The following ZNF69 variants were observed in gnomAD, a reference collection of about 807,000 sequenced individuals.
ZNF69 encodes ZNF3.
Under a neutral mutation model 50.9 loss-of-function variants are expected in ZNF69, and 47 were observed. That is an observed-to-expected ratio of 0.92 (90% CI 0.73 to 1.18). ZNF69 has a LOEUF of 1.18. Among genes scored for constraint, ZNF69 ranks in the 50% most tolerant of loss-of-function variants. ZNF69 has a pLI of 0.00. For missense variants in ZNF69, 717 were observed against 675.1 expected (o/e 1.06, Z -0.69); for synonymous variants, 216 against 223.1 (o/e 0.97, Z 0.29).
At chr19:11,961,630 T>TCTTTTTTTTTTTC in the ZNF69 span, 7 of 152,162 alleles carry the variant, frequency 4.6e-5, no homozygotes, top group African/African-American at 1.7e-4. Flanking sequence ...TTTTTCTTTT[T>TCTTTTTTTTTTTC]CTGAGATGGA....
the ZNF69 span, among the ~76,000 whole-genome samples, chr19:11,951,267 C>T: frequency 2.8e-5 from 4 of 145,024 alleles, no homozygotes; most frequent in Admixed American, 6.9e-5. Context: ...CTCATTCTGT[C>T]GCCCAGGATA....
chr19:11,941,184 A>G, the ZNF69 span, among the ~76,000 whole-genome samples: 1 of 152,244 alleles, frequency 6.6e-6, no homozygotes, highest in South Asian at 2.1e-4. Flanking sequence ...TGGGCTAGAC[A>G]TAAAGTTTCT....
the ZNF69 span, chr19:11,979,879 C>T: frequency 1.4e-5 from 20 of 1,451,722 alleles, no homozygotes; most frequent in African/African-American, 1.1e-4. Flanking sequence ...TAAGAATGCA[C>T]TCTGTAGAAA....
the ZNF69 span, among the ~76,000 whole-genome samples, chr19:11,962,193 G>A: frequency 6.6e-6 from 1 of 151,822 alleles, no homozygotes; most frequent in Admixed American, 6.6e-5. Flanking sequence ...GAGGGGGGTG[G>A]ATCACCTGAG....
chr19:11,948,815 C>T, the ZNF69 span: 9 of 1,608,460 alleles, frequency 5.6e-6, no homozygotes, highest in East Asian at 2.0e-4. Context: ...TATTCTGCTA[C>T]CCTTCAAATA....
At chr19:11,949,556 G>T in the ZNF69 span, 1 of 1,606,408 alleles carries the variant, frequency 6.2e-7, no homozygotes, top group Non-Finnish European at 8.5e-7. Flanking sequence ...TATAAATGTA[G>T]TATATGTGAG....
At chr19:11,928,728 T>C in the ZNF69 span, among the ~76,000 whole-genome samples, 1 of 112,278 alleles carries the variant, frequency 8.9e-6, no homozygotes, top group Admixed American at 9.1e-5. Context: ...CGAGACTCCG[T>C]CTCAAAAAAA....
chr19:11,922,411 T>C, the ZNF69 span, among the ~76,000 whole-genome samples: 1 of 152,204 alleles, frequency 6.6e-6, no homozygotes, highest in African/African-American at 2.4e-5. Context: ...TCTGAGCCAG[T>C]GCGTACCTAA....
the ZNF69 span, chr19:11,965,093 C>A: frequency 1.4e-6 from 2 of 1,394,256 alleles, no homozygotes; most frequent in Non-Finnish European, 2.0e-6. Context: ...CTGTATCCAT[C>A]CCCGAGAGGG....
chr19:11,923,308 G>A, the ZNF69 span, among the ~76,000 whole-genome samples: 1 of 152,192 alleles, frequency 6.6e-6, no homozygotes, highest in Admixed American at 6.5e-5. Flanking sequence ...TGTCATCAGA[G>A]CCTTCCTCTT....
the ZNF69 span, chr19:11,949,408 C>A: frequency 6.2e-7 from 1 of 1,613,610 alleles, no homozygotes. Flanking sequence ...CTCACACCTT[C>A]GAGTGCATGG....
At chr19:11,944,603 C>T in the ZNF69 span, among the ~76,000 whole-genome samples, 3 of 152,180 alleles carry the variant, frequency 2.0e-5, no homozygotes, top group African/African-American at 4.8e-5. Flanking sequence ...TTTCTCAGTT[C>T]GCGTTGGATA....
chr19:11,929,367 C>G, the ZNF69 span, among the ~76,000 whole-genome samples: 1 of 148,144 alleles, frequency 6.8e-6, no homozygotes, highest in Non-Finnish European at 1.5e-5. Context: ...TTTTACCACA[C>G]TGGCCAGGCT....
the ZNF69 span, among the ~76,000 whole-genome samples, chr19:11,935,296 G>A: frequency 6.9e-6 from 1 of 144,184 alleles, no homozygotes; most frequent in Non-Finnish European, 1.5e-5. Context: ...GAGTGCAGTG[G>A]TGTAATCTCG....
In ZNF69 at chr19:11,905,240, TG is replaced by T; in HGVS notation, c.846del (p.Ala284HisfsTer68). The T allele has an allele frequency of 1.2e-6, 2 of 1,614,094 alleles. No homozygotes were observed. The highest frequency in any genetic ancestry group is 1.7e-6 in the Non-Finnish European group (2 of 1,180,012). On this transcript the variant is annotated frameshift_variant, in exon 4 of 4. Transcript: ENST00000429654. LOFTEE classifies it high-confidence loss of function. ...GEKPYECQQCGKAFHSPRCYR... is the reference protein window; with the variant it reads ...GEKPYECQQCXKAFHSPRCYR... ...AAAAGCCTTATGAATGTCAGCAATG[TG>T]GGAAAGCATTTCATAGTCCCAGATG... is the stretch of plus-strand genomic sequence containing the variant.
chr19:11,965,184 C>A, the ZNF69 span: 1 of 1,614,002 alleles, frequency 6.2e-7, no homozygotes, highest in South Asian at 1.1e-5. Context: ...GTAGAGAGGA[C>A]CCCAGGACAT....
the ZNF69 span, among the ~76,000 whole-genome samples, chr19:11,921,057 C>A: frequency 6.6e-6 from 1 of 152,202 alleles, no homozygotes; most frequent in South Asian, 2.1e-4. Context: ...AGCTGTGTCC[C>A]AGTCCCAAAG....
intron 1 of ZNF69, among the ~76,000 whole-genome samples, chr19:11,896,004 G>A (rs748805390): frequency 1.2e-4 from 18 of 151,952 alleles, no homozygotes; most frequent in Non-Finnish European, 1.9e-4. Context: ...CGGAACACCC[G>A]AGGTCAGGAG....
At chr19:11,916,985 A>G (rs1432905570), downstream of ZNF69, among the ~76,000 whole-genome samples, 1 of 152,140 alleles carries the variant, frequency 6.6e-6, no homozygotes, top group Non-Finnish European at 1.5e-5. Context: ...CTTCATAGTA[A>G]GTGGGTAAAT....
Sources: allele counts gnomAD v4.1 joint callset (sites outside exome capture counted in the v4.1 genomes callset), GRCh38; gene constraint gnomAD v4.1.1; transcripts MANE v1.5; gene names NCBI Gene and HGNC (gene_info 2026-07-23, HGNC 2026-07-21).